The following POC1A variants were observed in gnomAD, a reference collection of about 807,000 sequenced individuals.
POC1A encodes the protein POC1 centriolar protein A.
POC1A carries 34 observed loss-of-function variants against 47.8 expected under a neutral mutation model. The observed-to-expected ratio is 0.71, with a 90% CI of 0.54 to 0.95. The LOEUF is 0.95. Ranked by LOEUF, POC1A falls within the 40% of genes least tolerant of loss-of-function variation. POC1A has a pLI of 0.00. For synonymous variants in POC1A, 177 were observed against 207.6 expected, an observed-to-expected ratio of 0.85 and a Z score of 1.27; for missense variants, 466 against 528.3, an observed-to-expected ratio of 0.88 and a Z score of 1.16.
chr3:52,149,441 G>A (rs1698480554), intron 3 of POC1A, 52 bp from the exon 4 acceptor site: 3 of 1,550,672 alleles, frequency 1.9e-6, no homozygotes, highest in Non-Finnish European at 1.8e-6. Flanking sequence ...TGACATGAGA[G>A]CCCACAAGCA....
chr3:52,103,478 A>G (rs916080780), intron 9 of POC1A, among the ~76,000 whole-genome samples: 3 of 152,218 alleles, frequency 2.0e-5, no homozygotes, highest in African/African-American at 7.2e-5. Context: ...GTGAGTCGAG[A>G]ATATGCCAAC....
intron 10 of POC1A, among the ~76,000 whole-genome samples, chr3:52,092,941 G>A (rs1702692595): frequency 6.6e-6 from 1 of 152,196 alleles, no homozygotes; most frequent in African/African-American, 2.4e-5. Flanking sequence ...CCGGAGACCA[G>A]GAGCCTTGCA....
chr3:52,099,279 C>T (rs1702919660), intron 9 of POC1A, among the ~76,000 whole-genome samples: 1 of 152,164 alleles, frequency 6.6e-6, no homozygotes, highest in Non-Finnish European at 1.5e-5. Flanking sequence ...GCCAGCAGCC[C>T]CACCCCTCAC....
In POC1A at chr3:52,149,808, C is replaced by CG. The variant is rs1559854914; in HGVS notation, c.275+7dup. The CG allele has an allele frequency of 1.2e-6, 2 of 1,610,716 alleles. No individual in the cohort carries two copies. The highest frequency in any genetic ancestry group is 1.7e-6 in the Non-Finnish European group (2 of 1,178,280). Reference sequence around the variant, plus strand: ...CTCCAACAAGCCTCCTCAAAGTGTACGACTCACACATTGGGTACCCAGATG... The same window carrying CG: ...CTCCAACAAGCCTCCTCAAAGTGTACGGACTCACACATTGGGTACCCAGATG... On this transcript the variant is annotated splice_region_variant and intron_variant, in intron 3 of 10. Coordinates refer to ENST00000296484, the MANE Select transcript of POC1A (RefSeq NM_015426.5).
chr3:52,143,693 CT>C (rs1698272813), intron 6 of POC1A, among the ~76,000 whole-genome samples: 1 of 152,212 alleles, frequency 6.6e-6, no homozygotes, highest in Non-Finnish European at 1.5e-5. Flanking sequence ...ATGCCAGCCC[CT>C]ACTTTGATAC....
intron 8 of POC1A, among the ~76,000 whole-genome samples, chr3:52,124,765 T>C (rs1265640469): frequency 6.6e-6 from 1 of 152,244 alleles, no homozygotes; most frequent in Non-Finnish European, 1.5e-5. Context: ...AGTAAGATCA[T>C]ATTAATAATA....
In POC1A at chr3:52,082,215, C is replaced by CA. The variant is rs375910118; in HGVS notation, c.1126-6231dup. On this transcript the variant is annotated intron_variant, in intron 10 of 10. Coordinates refer to ENST00000296484, the MANE Select transcript of POC1A (RefSeq NM_015426.5). ...GGGAGTGGGGAGGGCAGTGGACCCA[C>CA]AAGGGCCCTGCAGGCTGGAGAGCAG... 2.9e-4 allele frequency among the ~76,000 whole-genome samples: 44 copies of CA among 152,140 alleles called. 2 individuals are homozygous for CA. Among genetic ancestry groups the CA allele is most frequent in the African/African-American group, 9.9e-4 (41 of 41,504 alleles).
At chr3:52,097,565 A>G (rs1405903833) in intron 9 of POC1A, among the ~76,000 whole-genome samples, 1 of 152,194 alleles carries the variant, frequency 6.6e-6, no homozygotes, top group Non-Finnish European at 1.5e-5. Context: ...CTGGTCTTAG[A>G]GCCTGCAGTT....
Position 52,144,701 on chromosome 3 carries a change from A to G in POC1A, c.679+1145T>C, listed in dbSNP as rs145667584. ...CCCCACAGAGTCAAATGACCTGCCC[A>G]ATATCACACAGCCAGGAATGCTTTA... On this transcript the variant is annotated intron_variant, in intron 6 of 10. Transcript: ENST00000296484. Among the ~76,000 whole-genome samples the G allele has an allele frequency of 3.3e-3, 507 of 152,310 alleles. 2 individuals carry two copies. Among genetic ancestry groups the G allele is most frequent in the Non-Finnish European group, 3.2e-3 (218 of 68,020 alleles).
At chr3:52,145,993 G>A (rs1451026545) in intron 5 of POC1A, 32 bp from the exon 6 acceptor site, 5 of 1,360,494 alleles carry the variant, frequency 3.7e-6, no homozygotes, top group East Asian at 2.3e-5. Flanking sequence ...TGCACTATAG[G>A]AGGTCTGCCC....
At chr3:52,091,266 T>C (rs1211760496) in intron 10 of POC1A, among the ~76,000 whole-genome samples, 3 of 152,032 alleles carry the variant, frequency 2.0e-5, no homozygotes, top group Admixed American at 1.3e-4. Context: ...GCTCGCAGCA[T>C]GTGACGCCCA....
In POC1A at chr3:52,149,822, G is replaced by T. The variant is rs896765924; in HGVS notation, c.269C>A (p.Pro90His). Residue 90 changes from proline to histidine, a missense_variant, in exon 3 of 11, where the codon CCC (proline) becomes CAC (histidine). Pro to His is a moderately conservative substitution (Grantham distance 77). Coordinates refer to ENST00000296484, the MANE Select transcript of POC1A (RefSeq NM_015426.5). ...SRDKTVRIWV[P>H]NVKGESTVFR... ...CTCAAAGTGTACGACTCACACATTGGGTACCCAGATGCGGACAGTCTTGTC... is the reference window on the plus strand; with the variant it reads ...CTCAAAGTGTACGACTCACACATTGTGTACCCAGATGCGGACAGTCTTGTC... 1 of 1,613,220 alleles carries T rather than the reference G, an allele frequency of 6.2e-7. No homozygotes were observed. Among genetic ancestry groups the T allele is most frequent in the Non-Finnish European group, 8.5e-7 (1 of 1,179,670 alleles).
At chr3:52,130,305 C>T (rs573376206) in intron 7 of POC1A, among the ~76,000 whole-genome samples, 46 of 152,338 alleles carry the variant, frequency 3.0e-4, no homozygotes, top group African/African-American at 1.1e-3. Context: ...GTGCTGTGGT[C>T]TCCAGCCCCT....
intron 7 of POC1A, among the ~76,000 whole-genome samples, chr3:52,130,100 C>A (rs1219528630): frequency 6.6e-6 from 1 of 152,230 alleles, no homozygotes; most frequent in African/African-American, 2.4e-5. Flanking sequence ...TGACTGCATG[C>A]CCACAACAGC....
chr3:52,078,571 C>T (rs778050203), intron 10 of POC1A, among the ~76,000 whole-genome samples: 4 of 141,540 alleles, frequency 2.8e-5, no homozygotes, highest in Non-Finnish European at 4.5e-5. Flanking sequence ...AGTGCAGTGG[C>T]GCGATCTCGG....
chr3:52,103,836 G>C (rs1703080580), intron 9 of POC1A, among the ~76,000 whole-genome samples: 1 of 152,004 alleles, frequency 6.6e-6, no homozygotes, highest in Non-Finnish European at 1.5e-5. Context: ...AAAAAAAACT[G>C]ATCATGCCAA....
intron 10 of POC1A, among the ~76,000 whole-genome samples, chr3:52,091,272 G>A (rs533500095): frequency 4.2e-4 from 64 of 152,268 alleles, no homozygotes; most frequent in African/African-American, 1.4e-3. Flanking sequence ...AGCATGTGAC[G>A]CCCACGCTCC....
chr3:52,126,489 A>T (rs1704007105), intron 7 of POC1A, among the ~76,000 whole-genome samples: 1 of 152,158 alleles, frequency 6.6e-6, no homozygotes, highest in Non-Finnish European at 1.5e-5. Flanking sequence ...AAGCAAGTAC[A>T]ACACTGGTGA....
intron 10 of POC1A, among the ~76,000 whole-genome samples, chr3:52,081,623 C>T (rs1165344831): frequency 6.6e-6 from 1 of 152,148 alleles, no homozygotes; most frequent in Non-Finnish European, 1.5e-5. Context: ...TGTGCTGGAG[C>T]AAGAAGAGGG....
Sources: gnomAD v4.1 joint callset for allele counts (sites outside exome capture counted in the v4.1 genomes callset) on GRCh38, gnomAD v4.1.1 for gene constraint, MANE v1.5 for transcripts, NCBI Gene and HGNC (gene_info 2026-07-23, HGNC 2026-07-21) for gene names.